The following TAFA1 variants were observed in gnomAD, a reference collection of about 807,000 sequenced individuals.
TAFA1 encodes the protein TAFA chemokine like family member 1, also known as chemokine-like protein TAFA-1.
In TAFA1, 4 loss-of-function variants were observed where a neutral mutation model predicts 18.5. That is an observed-to-expected ratio of 0.22 (90% CI 0.11 to 0.49). The LOEUF is 0.49. Ranked by LOEUF, TAFA1 falls within the 20% of genes least tolerant of loss-of-function variation. The pLI is 0.98. For synonymous variants in TAFA1, 56 were observed against 55.2 expected, an observed-to-expected ratio of 1.01 and a Z score of -0.06; for missense variants, 147 against 169.0, an observed-to-expected ratio of 0.87 and a Z score of 0.72.
chr3:68,179,206 G>C (rs2066165443), intron 2 of TAFA1, among the ~76,000 whole-genome samples: 1 of 152,090 alleles, frequency 6.6e-6, no homozygotes, highest in Non-Finnish European at 1.5e-5. Context: ...CATCTTCCCT[G>C]AACAGAAACC....
At chr3:68,314,218 C>T (rs969244468) in intron 2 of TAFA1, among the ~76,000 whole-genome samples, 8 of 152,064 alleles carry the variant, frequency 5.3e-5, no homozygotes, top group African/African-American at 9.7e-5. Context: ...AATTAGGTAG[C>T]GATAGTTGAC....
At chr3:68,392,083 A>G (rs1244820858) in intron 2 of TAFA1, among the ~76,000 whole-genome samples, 1 of 151,794 alleles carries the variant, frequency 6.6e-6, no homozygotes, top group Non-Finnish European at 1.5e-5. Context: ...TAAAGAGTCA[A>G]CACCCATCAG....
intron 2 of TAFA1, among the ~76,000 whole-genome samples, chr3:68,270,865 G>A (rs2067652536): frequency 6.6e-6 from 1 of 152,098 alleles, no homozygotes. Context: ...TAGCATACAT[G>A]AGCTTTTGTT....
At chr3:68,398,773 A>G (rs558649919) in intron 2 of TAFA1, among the ~76,000 whole-genome samples, 8 of 152,322 alleles carry the variant, frequency 5.3e-5, no homozygotes, top group African/African-American at 1.9e-4. Context: ...TGCTCTTCAG[A>G]TTATCAGTCA....
chr3:68,275,808 A>T (rs1051518916), intron 2 of TAFA1, among the ~76,000 whole-genome samples: 4 of 152,078 alleles, frequency 2.6e-5, no homozygotes, highest in African/African-American at 9.7e-5. Flanking sequence ...AGAAATGGTT[A>T]ACTGGAATTT....
chr3:68,247,791 T>C (rs372420445), intron 2 of TAFA1: 1 of 150,620 alleles, frequency 6.6e-6, no homozygotes, highest in East Asian at 1.9e-4. Flanking sequence ...AATTGGCTAA[T>C]TGAATCAAGC....
At chr3:68,011,701 T>C (rs1399895970) in intron 2 of TAFA1, among the ~76,000 whole-genome samples, 1 of 152,222 alleles carries the variant, frequency 6.6e-6, no homozygotes, top group Admixed American at 6.5e-5. Flanking sequence ...AGTGCTAGGC[T>C]GCTAAATATA....
In TAFA1 at chr3:68,544,764, A is replaced by G. The variant is rs978393439; in HGVS notation, c.*261A>G. 2.5e-5 allele frequency: 8 copies of G among 319,728 alleles called. No homozygotes were observed. Among genetic ancestry groups the G allele is most frequent in the African/African-American group, 8.7e-5 (4 of 46,124 alleles). 19.8% of individuals were successfully genotyped at this position (319,728 alleles called of 1,614,324 possible). ...TGGGCATCATGAAGAACGATCAACT[A>G]TCTTCTAATTTGAATCTATAGTTAC... On this transcript the variant is annotated 3_prime_UTR_variant, in exon 5 of 5. Transcript: ENST00000478136.
intron 3 of TAFA1, among the ~76,000 whole-genome samples, chr3:68,461,935 GT>G (rs1296511602): frequency 6.6e-6 from 1 of 152,076 alleles, no homozygotes; most frequent in Non-Finnish European, 1.5e-5. Context: ...CAACAAAGAT[GT>G]TTATTTAGGA....
intron 2 of TAFA1, among the ~76,000 whole-genome samples, chr3:68,260,840 C>T (rs1311866553): frequency 1.3e-5 from 2 of 152,016 alleles, no homozygotes. Context: ...TAGGCAATAC[C>T]ATTCAGGACA....
chr3:68,082,343 T>C lies in TAFA1; in HGVS notation c.118+75599T>C, dbSNP rs6774122. ...CGGCCATCTTGGCTCCTCCCCCCTG[T>C]TCCTACTTCCTAATTAATTTATTCC... On this transcript the variant is annotated intron_variant, in intron 2 of 4. Transcript: ENST00000478136. Among the ~76,000 whole-genome samples the C allele has an allele frequency of 5.2e-3, 793 of 152,296 alleles. 4 individuals carry two copies. Among genetic ancestry groups the C allele is most frequent in the African/African-American group, 0.018 (748 of 41,564 alleles).
At chr3:68,387,692 T>C (rs894462505) in intron 2 of TAFA1, among the ~76,000 whole-genome samples, 1 of 152,052 alleles carries the variant, frequency 6.6e-6, no homozygotes, top group African/African-American at 2.4e-5. Context: ...AGGACATAAT[T>C]TGAAAGGCAA....
intron 2 of TAFA1, among the ~76,000 whole-genome samples, chr3:68,263,310 C>G (rs1441611062): frequency 2.0e-5 from 3 of 151,938 alleles, no homozygotes; most frequent in African/African-American, 2.4e-5. Flanking sequence ...GCTGTTTAGT[C>G]TCTTGAATAG....
chr3:68,291,525 C>T (rs1007969119), intron 2 of TAFA1, among the ~76,000 whole-genome samples: 2 of 152,042 alleles, frequency 1.3e-5, no homozygotes, highest in South Asian at 2.1e-4. Context: ...AGATTTTGAC[C>T]TAAGACTGTC....
chr3:68,197,985 C>T (rs1346480350), intron 2 of TAFA1, among the ~76,000 whole-genome samples: 1 of 151,432 alleles, frequency 6.6e-6, no homozygotes, highest in Non-Finnish European at 1.5e-5. Flanking sequence ...ACTACTGTAC[C>T]CTCAGGGCTT....
chr3:68,418,229 C>A (rs993342710), intron 3 of TAFA1, among the ~76,000 whole-genome samples: 8 of 151,866 alleles, frequency 5.3e-5, no homozygotes, highest in African/African-American at 1.9e-4. Context: ...TGGGCCGAGT[C>A]CCAAAAGATA....
chr3:68,460,441 A>G lies in TAFA1; in HGVS notation c.259+43021A>G, dbSNP rs546546928. Among the ~76,000 whole-genome samples the G allele has an allele frequency of 6.6e-5, 10 of 152,298 alleles. No individual in the cohort carries two copies. In the East Asian group the frequency reaches 1.9e-3, roughly 29 times the overall value. On this transcript the variant is annotated intron_variant, in intron 3 of 4. Coordinates refer to ENST00000478136, the MANE Select transcript of TAFA1 (RefSeq NM_213609.4). ...TTTTTTAATACTGCCACTCAGGTCCAGGGGAGAGACAGACTTTTAGCATAA... is the reference window on the plus strand; with the variant it reads ...TTTTTTAATACTGCCACTCAGGTCCGGGGGAGAGACAGACTTTTAGCATAA...
intron 2 of TAFA1, among the ~76,000 whole-genome samples, chr3:68,212,490 A>T (rs1281415583): frequency 6.6e-6 from 1 of 151,928 alleles, no homozygotes; most frequent in African/African-American, 2.4e-5. Context: ...GTCTCCTTAT[A>T]GGTCCGGATG....
In TAFA1 at chr3:68,093,385, A is replaced by G. The variant is rs1437574084; in HGVS notation, c.118+86641A>G. ...CCATGATGATGTTAAACTAGTTTCC[A>G]TCCCCCTTATTTCAGCTCTGAGGAA... On this transcript the variant is annotated intron_variant, in intron 2 of 4. Coordinates refer to ENST00000478136, the MANE Select transcript of TAFA1 (RefSeq NM_213609.4). Among the ~76,000 whole-genome samples, 2 of 152,034 alleles carry G rather than the reference A, an allele frequency of 1.3e-5. 1 individual carries two copies. Among genetic ancestry groups the G allele is most frequent in the Non-Finnish European group, 2.9e-5 (2 of 67,982 alleles).
Sources: gnomAD v4.1 joint callset for allele counts (sites outside exome capture counted in the v4.1 genomes callset) on GRCh38, gnomAD v4.1.1 for gene constraint, MANE v1.5 for transcripts, NCBI Gene and HGNC (gene_info 2026-07-23, HGNC 2026-07-21) for gene names.